Variants in SCG5 observed in about 807,000 individuals in gnomAD.
The protein encoded by SCG5 is neuroendocrine protein 7B2.
A neutral mutation model predicts 25.7 loss-of-function variants in SCG5; 18 were observed. The observed-to-expected ratio is 0.70, with a 90% confidence interval of 0.48 to 1.04. The LOEUF is 1.04. Ranked by LOEUF, SCG5 falls within the 50% of genes least tolerant of loss-of-function variation. The probability of loss-of-function intolerance (pLI) is 0.00; values close to 1 mark genes in which losing one functional copy is unlikely to be tolerated. For missense variants in SCG5, 206 were observed against 259.8 expected (o/e 0.79, Z 1.42); for synonymous variants, 101 against 91.7 (o/e 1.10, Z -0.58).
At chr15:32,664,970 C>T (rs2054295241) in intron 2 of SCG5, among the ~76,000 whole-genome samples, 1 of 152,172 alleles carries the variant, frequency 6.6e-6, no homozygotes, top group South Asian at 2.1e-4. Context: ...AGGAGGTCTC[C>T]AGTTTTAATC....
intron 2 of SCG5, among the ~76,000 whole-genome samples, chr15:32,665,456 G>T (rs1338271533): frequency 1.3e-5 from 2 of 151,740 alleles, no homozygotes; most frequent in South Asian, 2.1e-4. Context: ...CTAGTTTTAG[G>T]GTGTTCTCAT....
chr15:32,676,952 T>C (rs12898633), intron 2 of SCG5, among the ~76,000 whole-genome samples: 64,120 of 152,004 alleles, frequency 0.42, 14,017 homozygotes, highest in East Asian at 0.71. Flanking sequence ...CATCAGATTA[T>C]GATAGACTAG....
intron 2 of SCG5, among the ~76,000 whole-genome samples, chr15:32,676,704 G>C (rs2054536801): frequency 6.6e-6 from 1 of 152,160 alleles, no homozygotes; most frequent in Non-Finnish European, 1.5e-5. Flanking sequence ...AAAATAAAAG[G>C]ATAATCAAAG....
intron 2 of SCG5, among the ~76,000 whole-genome samples, chr15:32,647,010 C>A (rs2053952956): frequency 6.6e-6 from 1 of 152,148 alleles, no homozygotes; most frequent in Non-Finnish European, 1.5e-5. Flanking sequence ...ATTTCAAATA[C>A]ACTTAACATG....
intron 2 of SCG5, chr15:32,672,895 G>C (rs2054458433): frequency 1.6e-5 from 2 of 126,588 alleles, no homozygotes; most frequent in Non-Finnish European, 3.2e-5. Flanking sequence ...CTTTGAAACT[G>C]TTGAAACCAT....
chr15:32,681,125 C>G (rs903587899), intron 3 of SCG5, among the ~76,000 whole-genome samples: 3 of 152,134 alleles, frequency 2.0e-5, no homozygotes, highest in African/African-American at 7.2e-5. Context: ...AATAATGCAC[C>G]TCTTACCTTG....
rs1372501799 is a variant in SCG5, at chr15:32,672,423, G to A, written c.227-7343G>A. On this transcript the variant is annotated intron_variant, in intron 2 of 5. Coordinates refer to ENST00000300175, the MANE Select transcript of SCG5 (RefSeq NM_001144757.3). Reference sequence around the variant, plus strand: ...GTGTGGCAGAGTCTGGAGGGCAGGGGTTGTCCGGATGTTCCAAACCTCCAG... The same window carrying A: ...GTGTGGCAGAGTCTGGAGGGCAGGGATTGTCCGGATGTTCCAAACCTCCAG... Among the ~76,000 whole-genome samples the A allele has an allele frequency of 5.9e-5, 9 of 152,374 alleles. No individual in the cohort carries two copies. The South Asian group carries it at 1.4e-3, about 25-fold the overall frequency.
intron 3 of SCG5, among the ~76,000 whole-genome samples, chr15:32,680,449 C>T (rs183393632): frequency 2.1e-4 from 32 of 152,072 alleles, no homozygotes; most frequent in African/African-American, 4.6e-4. Flanking sequence ...CCACCCTCCT[C>T]GGCCTCCCAA....
intron 2 of SCG5, among the ~76,000 whole-genome samples, chr15:32,676,926 G>T (rs1299755574): frequency 2.0e-5 from 3 of 152,122 alleles, no homozygotes; most frequent in African/African-American, 7.2e-5. Flanking sequence ...GTTAGTAGTA[G>T]ATTTTAACAT....
chr15:32,662,998 G>A (rs191598620), intron 2 of SCG5, among the ~76,000 whole-genome samples: 3 of 139,158 alleles, frequency 2.2e-5, no homozygotes, highest in African/African-American at 5.4e-5. Flanking sequence ...TGTGTAGAGC[G>A]GGGAAGAGAA....
intron 2 of SCG5, among the ~76,000 whole-genome samples, chr15:32,648,765 A>C (rs1319969805): frequency 1.7e-5 from 2 of 120,088 alleles, no homozygotes; most frequent in African/African-American, 3.1e-5. Flanking sequence ...TCTCTGTTGC[A>C]GTCTCCTTTT....
intron 2 of SCG5, among the ~76,000 whole-genome samples, chr15:32,648,739 T>C (rs2053986546): frequency 6.7e-6 from 1 of 149,826 alleles, no homozygotes; most frequent in Non-Finnish European, 1.5e-5. Context: ...CCTGTCTGAG[T>C]AGCACCCCCC....
At chr15:32,656,979 C>T (rs116247964) in intron 2 of SCG5, among the ~76,000 whole-genome samples, 38 of 151,348 alleles carry the variant, frequency 2.5e-4, no homozygotes, top group African/African-American at 9.2e-4. Flanking sequence ...GGGTTCTAGT[C>T]CTAGCTCAGA....
intron 2 of SCG5, among the ~76,000 whole-genome samples, chr15:32,648,363 T>C (rs1486737844): frequency 2.0e-5 from 3 of 151,820 alleles, no homozygotes; most frequent in Non-Finnish European, 4.4e-5. Flanking sequence ...ATCTTCCTGC[T>C]TCTATTCTTG....
At chr15:32,684,831 A>C (rs528921044) in intron 4 of SCG5, among the ~76,000 whole-genome samples, 162 bp downstream of exon 4, 43 of 152,312 alleles carry the variant, frequency 2.8e-4, no homozygotes, top group African/African-American at 1.0e-3. Flanking sequence ...GACTACTCAA[A>C]ACCACACTTA....
intron 2 of SCG5, among the ~76,000 whole-genome samples, chr15:32,671,879 C>G (rs2054431871): frequency 6.6e-6 from 1 of 152,192 alleles, no homozygotes; most frequent in Non-Finnish European, 1.5e-5. Context: ...TCGCCCCACT[C>G]CGCTTTGCCT....
intron 2 of SCG5, among the ~76,000 whole-genome samples, chr15:32,652,804 G>T (rs1405846641): frequency 6.6e-6 from 1 of 151,976 alleles, no homozygotes; most frequent in African/African-American, 2.4e-5. Flanking sequence ...TTAAAATTTT[G>T]GACAGCACTA....
At chr15:32,676,185 T>C (rs1463519269) in intron 2 of SCG5, among the ~76,000 whole-genome samples, 1 of 152,232 alleles carries the variant, frequency 6.6e-6, no homozygotes, top group African/African-American at 2.4e-5. Flanking sequence ...CCTCAGTTCC[T>C]ACCTCAGTGA....
rs1252963545 is a variant in SCG5 at position 32,675,217 on chromosome 15, A to T, written c.227-4549A>T. Among the ~76,000 whole-genome samples, 3 of 152,350 alleles carry T rather than the reference A, an allele frequency of 2.0e-5. No homozygotes were observed. In the East Asian group the frequency reaches 5.8e-4, roughly 29 times the overall value. ...CATCATCACAGGACAGGATTAATTA[A>T]TTGCCTGAAATAATTTCAAAGCTGT... is the stretch of plus-strand genomic sequence containing the variant. On this transcript the variant is annotated intron_variant, in intron 2 of 5. Transcript: ENST00000300175.
Sources: allele counts gnomAD v4.1 joint callset (sites outside exome capture counted in the v4.1 genomes callset), GRCh38; gene constraint gnomAD v4.1.1; transcripts MANE v1.5; gene names NCBI Gene and HGNC (gene_info 2026-07-23, HGNC 2026-07-21).